Variants in CRB1 observed in about 807,000 individuals in gnomAD.
The protein encoded by CRB1 is crumbs cell polarity complex component 1, also known as protein crumbs homolog 1.
In CRB1, 83 loss-of-function variants were observed where a neutral mutation model predicts 120.0. The ratio of observed to expected loss-of-function variants is 0.69; its 90% CI spans 0.58 to 0.83. The LOEUF is 0.83. CRB1 is among the 40% of genes least tolerant of loss of function. CRB1 has a pLI of 0.00. For missense variants in CRB1, 1,699 were observed against 1,687.6 expected (o/e 1.01, Z -0.12); for synonymous variants, 625 against 612.5 (o/e 1.02, Z -0.30).
chr1:197,285,662 G>A (rs532105758), intron 1 of CRB1, among the ~76,000 whole-genome samples: 5 of 151,956 alleles, frequency 3.3e-5, no homozygotes, highest in African/African-American at 9.6e-5. Context: ...CAGTCCAGAC[G>A]TTTGATGTGG....
At chr1:197,230,147 G>A in the CRB1 span, among the ~76,000 whole-genome samples, 1 of 152,144 alleles carries the variant, frequency 6.6e-6, no homozygotes, top group African/African-American at 2.4e-5. Context: ...AGATCACTCA[G>A]CTGAAGTGGA....
At chr1:197,264,179 A>G (rs1004067578), upstream of CRB1, among the ~76,000 whole-genome samples, 1 of 152,090 alleles carries the variant, frequency 6.6e-6, no homozygotes, top group Admixed American at 6.5e-5. Flanking sequence ...CTCTGCATCT[A>G]TGTGTACACA....
At chr1:197,347,958 C>T (rs1045532905) in intron 4 of CRB1, among the ~76,000 whole-genome samples, 25 of 151,982 alleles carry the variant, frequency 1.6e-4, no homozygotes, top group South Asian at 6.2e-4. Flanking sequence ...GATAATTAGA[C>T]GAGTATAGAG....
intron 1 of CRB1, among the ~76,000 whole-genome samples, chr1:197,295,117 A>G (rs546582994): frequency 1.3e-5 from 2 of 152,098 alleles, no homozygotes; most frequent in African/African-American, 4.8e-5. Flanking sequence ...ATTTTTTTTC[A>G]TAAATGATAT....
intron 5 of CRB1, among the ~76,000 whole-genome samples, chr1:197,366,887 G>A (rs552197784): frequency 6.6e-6 from 1 of 152,156 alleles, no homozygotes; most frequent in South Asian, 2.1e-4. Flanking sequence ...GGCAGTAGTG[G>A]TTACTATTCT....
chr1:197,264,987 T>G (rs1654600527), upstream of CRB1, among the ~76,000 whole-genome samples: 1 of 152,154 alleles, frequency 6.6e-6, no homozygotes, highest in African/African-American at 2.4e-5. Flanking sequence ...ATTCTTTTTT[T>G]CTGTTTCTTA....
At chr1:197,426,706 C>T (rs1477552393) in intron 6 of CRB1, among the ~76,000 whole-genome samples, 1 of 152,106 alleles carries the variant, frequency 6.6e-6, no homozygotes, top group Non-Finnish European at 1.5e-5. Context: ...TTTCCTGTGC[C>T]TTTCCTACTC....
intron 5 of CRB1, among the ~76,000 whole-genome samples, chr1:197,366,619 GA>G (rs1185781791): frequency 6.6e-6 from 1 of 152,162 alleles, no homozygotes; most frequent in Non-Finnish European, 1.5e-5. Flanking sequence ...CAGGGAGTTA[GA>G]AATAGAGAGA....
intron 2 of CRB1, among the ~76,000 whole-genome samples, chr1:197,339,090 A>G (rs1318186061): frequency 6.6e-6 from 1 of 152,222 alleles, no homozygotes. Context: ...TGGTGTCCTT[A>G]GGAAAGGTGT....
chr1:197,264,794 GT>G (rs921054184), upstream of CRB1, among the ~76,000 whole-genome samples: 47 of 142,620 alleles, frequency 3.3e-4, no homozygotes, highest in Non-Finnish European at 4.7e-4. Flanking sequence ...GCTAACTTTT[GT>G]TTTTTTTTTA....
chr1:197,470,801 T>C (rs1666948250), intron 11 of CRB1, among the ~76,000 whole-genome samples: 1 of 152,250 alleles, frequency 6.6e-6, no homozygotes, highest in South Asian at 2.1e-4. Context: ...GGCCCACCAC[T>C]CTACTTCTAG....
intron 8 of CRB1, among the ~76,000 whole-genome samples, chr1:197,432,921 T>G (rs1664943379): frequency 6.6e-6 from 1 of 152,058 alleles, no homozygotes; most frequent in African/African-American, 2.4e-5. Context: ...AGGCCTGCGC[T>G]GGGAACAAGC....
the CRB1 span, among the ~76,000 whole-genome samples, chr1:197,220,250 T>G: frequency 1.3e-5 from 2 of 152,104 alleles, no homozygotes; most frequent in African/African-American, 4.8e-5. Flanking sequence ...ATAAAGAGTT[T>G]AGGAAATGAA....
At chr1:197,278,249 C>T (rs1233970945) in intron 1 of CRB1, among the ~76,000 whole-genome samples, 5 of 151,870 alleles carry the variant, frequency 3.3e-5, no homozygotes, top group Non-Finnish European at 7.4e-5. Context: ...CCAAGAAATT[C>T]CTTACTCCTT....
the CRB1 span, among the ~76,000 whole-genome samples, chr1:197,261,881 T>C: frequency 6.6e-6 from 1 of 152,194 alleles, no homozygotes; most frequent in Non-Finnish European, 1.5e-5. Context: ...ATAGGGTTAA[T>C]TTAATCTACT....
chr1:197,349,866 C>T (rs1274647037), intron 4 of CRB1, among the ~76,000 whole-genome samples: 2 of 151,366 alleles, frequency 1.3e-5, no homozygotes, highest in Non-Finnish European at 2.9e-5. Flanking sequence ...TTTGGGAGGC[C>T]GAGGCGGGTG....
the CRB1 span, among the ~76,000 whole-genome samples, chr1:197,233,228 A>G: frequency 6.6e-6 from 1 of 152,150 alleles, no homozygotes; most frequent in African/African-American, 2.4e-5. Flanking sequence ...TTTTCATTTG[A>G]TCCACTGGTC....
At chr1:197,471,742 A>C (rs1370619730) in intron 11 of CRB1, among the ~76,000 whole-genome samples, 1 of 152,192 alleles carries the variant, frequency 6.6e-6, no homozygotes, top group East Asian at 1.9e-4. Flanking sequence ...CTATAGCAAT[A>C]TTAATTTTAA....
At chr1:197,305,321 G>C (rs1336759446) in intron 1 of CRB1, among the ~76,000 whole-genome samples, 4 of 152,008 alleles carry the variant, frequency 2.6e-5, no homozygotes, top group African/African-American at 4.8e-5. Flanking sequence ...GGAGTCAAGT[G>C]TATAAACATA....
Sources: allele counts gnomAD v4.1 joint callset (sites outside exome capture counted in the v4.1 genomes callset), GRCh38; gene constraint gnomAD v4.1.1; transcripts MANE v1.5; gene names NCBI Gene and HGNC (gene_info 2026-07-23, HGNC 2026-07-21).